ZNF490: variants seen among roughly 807,000 people sequenced by gnomAD.
ZNF490 encodes zinc finger protein 490.
ZNF490 carries 11 observed loss-of-function variants against 17.7 expected under a neutral mutation model. The ratio of observed to expected loss-of-function variants is 0.62; its 90% CI spans 0.39 to 1.03. The LOEUF is 1.03. Among genes scored for constraint, ZNF490 ranks in the 50% least tolerant of loss-of-function variants. ZNF490 has a pLI of 0.00. For missense variants in ZNF490, 542 were observed against 643.4 expected, an observed-to-expected ratio of 0.84 and a Z score of 1.71; for synonymous variants, 222 against 216.1, an observed-to-expected ratio of 1.03 and a Z score of -0.24.
At position 12,576,454 on chromosome 19, in the gene ZNF490, C is replaced by T. The variant is rs1323231177; in HGVS notation, c.*4031G>A. ...CTGGGAGGCAGAGATTGCAGTGAGC[C>T]GAGATCATGCCACTGCAGTCCAGCT... On this transcript the variant is annotated 3_prime_UTR_variant, in exon 5 of 5. Transcript: ENST00000311437. 1.3e-5 allele frequency among the ~76,000 whole-genome samples: 2 copies of T among 150,618 alleles called. No homozygotes were observed. Among genetic ancestry groups the T allele is most frequent in the African/African-American group, 2.4e-5 (1 of 40,850 alleles).
intron 2 of ZNF490, among the ~76,000 whole-genome samples, chr19:12,599,749 G>A (rs975937128): frequency 4.0e-5 from 6 of 151,610 alleles, no homozygotes; most frequent in Non-Finnish European, 5.9e-5. Context: ...AGAAGGCATG[G>A]GAATGTGGAT....
At chr19:12,610,258 CA>C (rs1599316642) in intron 1 of ZNF490, among the ~76,000 whole-genome samples, 1 of 150,044 alleles carries the variant, frequency 6.7e-6, no homozygotes, top group East Asian at 2.0e-4. Context: ...AGACTGAACT[CA>C]AACTCCTGGA....
At chr19:12,582,651 C>T (rs2022753938) in intron 4 of ZNF490, among the ~76,000 whole-genome samples, 199 bp downstream of exon 4, 1 of 152,158 alleles carries the variant, frequency 6.6e-6, no homozygotes, top group South Asian at 2.1e-4. Flanking sequence ...GCCTCAGCCT[C>T]CCAAAGTGCT....
intron 4 of ZNF490, among the ~76,000 whole-genome samples, chr19:12,582,497 C>A (rs1174829809): frequency 6.6e-6 from 1 of 151,566 alleles, no homozygotes; most frequent in African/African-American, 2.4e-5. Flanking sequence ...CAGGTTCAAG[C>A]GATTCTCCTG....
Position 12,578,779 on chromosome 19 carries a change from T to C in ZNF490, c.*1706A>G. The C allele has an allele frequency of 5.1e-6, 5 of 985,394 alleles. No homozygotes were observed. The highest frequency in any genetic ancestry group is 4.8e-6 in the Non-Finnish European group (4 of 829,930). The allele number at this position is 985,394 out of a possible 1,614,324, so 61.0% of individuals were successfully genotyped here. A position where few individuals can be genotyped will look rare whatever the true frequency, so the allele number is the denominator to read the frequency against. On this transcript the variant is annotated 3_prime_UTR_variant, in exon 5 of 5. Transcript: ENST00000311437. ...TGAGGGCAGGCACTGCCCTAGAGGG[T>C]GTTTCCTAACTTCTGACTGGATGCC... is the stretch of plus-strand genomic sequence containing the variant.
chr19:12,577,455 A>C lies in ZNF490; in HGVS notation c.*3030T>G, dbSNP rs2022658630. 9.1e-6 allele frequency: 9 copies of C among 985,330 alleles called. No individual in the cohort carries two copies. The highest frequency in any genetic ancestry group is 9.6e-6 in the Non-Finnish European group (8 of 829,942). The allele number at this position is 985,330 out of a possible 1,614,324, so 61.0% of individuals were successfully genotyped here. A position where few individuals can be genotyped will look rare whatever the true frequency, so the allele number is the denominator to read the frequency against. ...CACAACATGGCAGCTCAAGAATGTG[A>C]AAGGACCTGAAATGGGTTGAGTAAT... On this transcript the variant is annotated 3_prime_UTR_variant, in exon 5 of 5. Transcript: ENST00000311437.
Position 12,577,234 on chromosome 19 carries a change from T to C in ZNF490, c.*3251A>G. Among the ~76,000 whole-genome samples, 1 of 152,174 alleles carries C rather than the reference T, an allele frequency of 6.6e-6. No individual in the cohort carries two copies. The highest frequency in any genetic ancestry group is 2.1e-4 in the South Asian group (1 of 4,834). ...CACAGACACATACACAAAAGGGTTT[T>C]ACAAAAACATCATCATAGACCCACA... On this transcript the variant is annotated 3_prime_UTR_variant, in exon 5 of 5. Transcript: ENST00000311437.
chr19:12,581,846 A>C, intron 4 of ZNF490, 122 bp from the exon 5 acceptor site: 3 of 914,614 alleles, frequency 3.3e-6, no homozygotes, highest in South Asian at 3.7e-5. Context: ...GCCCTGTCTA[A>C]ATTGTTTTGA....
intron 2 of ZNF490, among the ~76,000 whole-genome samples, chr19:12,594,046 C>T (rs1409169885): frequency 6.6e-6 from 1 of 152,152 alleles, no homozygotes; most frequent in Non-Finnish European, 1.5e-5. Context: ...TAACCTAGTA[C>T]AAGGTGATCA....
In ZNF490 at chr19:12,576,443, T is replaced by G. The variant is rs752418724; in HGVS notation, c.*4042A>C. Among the ~76,000 whole-genome samples, 1 of 150,812 alleles carries G rather than the reference T, an allele frequency of 6.6e-6. No homozygotes were observed. The highest frequency in any genetic ancestry group is 1.5e-5 in the Non-Finnish European group (1 of 67,766). ...ATTGCTTGAACCTGGGAGGCAGAGA[T>G]TGCAGTGAGCCGAGATCATGCCACT... On this transcript the variant is annotated 3_prime_UTR_variant, in exon 5 of 5. Coordinates refer to ENST00000311437, the MANE Select transcript of ZNF490 (RefSeq NM_020714.3).
rs768201159 is a variant in ZNF490 at position 12,580,659 on chromosome 19, T to C, written c.1416A>G (p.Lys472=). The C allele has an allele frequency of 1.2e-6, 2 of 1,614,234 alleles. No individual in the cohort carries two copies. The highest frequency in any genetic ancestry group is 1.7e-6 in the Non-Finnish European group (2 of 1,180,036). Residue 472 remains lysine (K), a synonymous_variant, in exon 5 of 5, where the codon AAA becomes AAG. Coordinates refer to ENST00000311437, the MANE Select transcript of ZNF490 (RefSeq NM_020714.3). ...RRHERSHTGV[K]PCECKQCGKA... ...TGCCACACTGCTTACACTCACATGG[T>C]TTCACTCCAGTGTGACTTCTTTCGT...
chr19:12,591,174 A>G (rs2022865824), intron 2 of ZNF490, among the ~76,000 whole-genome samples: 1 of 151,548 alleles, frequency 6.6e-6, no homozygotes, highest in Non-Finnish European at 1.5e-5. Flanking sequence ...GGATGACTTG[A>G]GGTCAGGAAT....
rs2022671773 is a variant in ZNF490 at position 12,578,208 on chromosome 19, C to A, written c.*2277G>T. 3.0e-6 allele frequency: 3 copies of A among 985,470 alleles called. No individual in the cohort carries two copies. The highest frequency in any genetic ancestry group is 3.6e-6 in the Non-Finnish European group (3 of 829,990). The allele number at this position is 985,470 out of a possible 1,614,324, so 61.0% of individuals were successfully genotyped here. A position where few individuals can be genotyped will look rare whatever the true frequency, so the allele number is the denominator to read the frequency against. On this transcript the variant is annotated 3_prime_UTR_variant, in exon 5 of 5. Coordinates refer to ENST00000311437, the MANE Select transcript of ZNF490 (RefSeq NM_020714.3). ...GGCCGGAGCATCATCAGTGCATATG[C>A]CGCTGAATATCTCAGGGTAGAATGT...
At chr19:12,608,735 A>G (rs2023103282) in intron 2 of ZNF490, among the ~76,000 whole-genome samples, 1 of 152,106 alleles carries the variant, frequency 6.6e-6, no homozygotes, top group Non-Finnish European at 1.5e-5. Flanking sequence ...CTTGCCTCCC[A>G]AAGTGCTGAG....
At chr19:12,607,227 G>A (rs1174158552) in intron 2 of ZNF490, among the ~76,000 whole-genome samples, 1 of 149,062 alleles carries the variant, frequency 6.7e-6, no homozygotes, top group African/African-American at 2.5e-5. Flanking sequence ...GTCTCACTCT[G>A]TCACCCAGGC....
At chr19:12,590,350 G>T (rs2022855293) in intron 2 of ZNF490, among the ~76,000 whole-genome samples, 1 of 151,956 alleles carries the variant, frequency 6.6e-6, no homozygotes, top group East Asian at 1.9e-4. Flanking sequence ...CTGAGTAGCT[G>T]GGATTACAGG....
chr19:12,587,788 C>T (rs1223178838), intron 2 of ZNF490, among the ~76,000 whole-genome samples: 1 of 92,040 alleles, frequency 1.1e-5, no homozygotes, highest in African/African-American at 3.3e-5. Flanking sequence ...CTCCACCTCC[C>T]GGGTTCAAGC....
chr19:12,609,301 C>T, intron 1 of ZNF490, 99 bp from the exon 2 acceptor site: 2 of 980,810 alleles, frequency 2.0e-6, no homozygotes, highest in Admixed American at 3.8e-5. Context: ...CTGCATCTAC[C>T]TGTACACACA....
In ZNF490 at chr19:12,590,215, T is replaced by A. The variant is rs977264119; in HGVS notation, c.163-6659A>T. ...CAGGCATGAGCCACCATGCCTGGCCTTTTTTTTTTTTTCTTTGAGATGGAG... is the reference window on the plus strand; with the variant it reads ...CAGGCATGAGCCACCATGCCTGGCCATTTTTTTTTTTTCTTTGAGATGGAG... On this transcript the variant is annotated intron_variant, in intron 2 of 4. Transcript: ENST00000311437. Among the ~76,000 whole-genome samples the A allele has an allele frequency of 7.8e-5, 9 of 115,726 alleles. No individual in the cohort carries two copies. In the East Asian group the frequency reaches 2.5e-3, roughly 32 times the overall value. The allele number at this position is 115,726 out of a possible 152,430, so 75.9% of individuals were successfully genotyped here. A position where few individuals can be genotyped will look rare whatever the true frequency, so the allele number is the denominator to read the frequency against.
Sources: allele counts gnomAD v4.1 joint callset (sites outside exome capture counted in the v4.1 genomes callset), GRCh38; gene constraint gnomAD v4.1.1; transcripts MANE v1.5; gene names NCBI Gene and HGNC (gene_info 2026-07-23, HGNC 2026-07-21).